The following KCNG3 variants were observed in gnomAD, a reference collection of about 807,000 sequenced individuals.
KCNG3 encodes the protein voltage-gated potassium channel regulatory subunit KCNG3.
Under a neutral mutation model 29.0 loss-of-function variants are expected in KCNG3, and 15 were observed. That is an observed-to-expected ratio of 0.52 (90% CI 0.35 to 0.80). The LOEUF (loss-of-function observed/expected upper bound fraction) is 0.80, where lower values mean the gene tolerates loss of function less well. Among genes scored for constraint, KCNG3 ranks in the 30% least tolerant of loss-of-function variants. KCNG3 has a pLI of 0.01. For missense variants in KCNG3, 512 were observed against 605.7 expected, an observed-to-expected ratio of 0.85 and a Z score of 1.62; for synonymous variants, 322 against 248.9, an observed-to-expected ratio of 1.29 and a Z score of -2.76.
chr2:42,479,310 G>T (rs557229272), intron 1 of KCNG3, among the ~76,000 whole-genome samples: 2 of 152,214 alleles, frequency 1.3e-5, no homozygotes, highest in South Asian at 4.1e-4. Context: ...GTGAATCCTG[G>T]TATTTTCCAA....
chr2:42,450,868 A>G (rs1019862463), intron 1 of KCNG3, among the ~76,000 whole-genome samples: 1 of 152,220 alleles, frequency 6.6e-6, no homozygotes, highest in Non-Finnish European at 1.5e-5. Flanking sequence ...AGCTAAAAGG[A>G]GCATTTGGAA....
chr2:42,418,791 T>C, the KCNG3 span, among the ~76,000 whole-genome samples: 767 of 152,296 alleles, frequency 5.0e-3, 5 homozygotes, highest in African/African-American at 0.017. Context: ...CAGCCAGCCA[T>C]AGAATCACCA....
the KCNG3 span, among the ~76,000 whole-genome samples, chr2:42,406,623 G>A: frequency 5.3e-5 from 8 of 150,290 alleles, no homozygotes; most frequent in South Asian, 2.1e-4. Context: ...TCAGGAGTTC[G>A]AGACCAGCCT....
intron 1 of KCNG3, among the ~76,000 whole-genome samples, chr2:42,450,904 C>T (rs111490032): frequency 0.018 from 2,771 of 152,162 alleles, 90 homozygotes; most frequent in African/African-American, 0.063. Context: ...TGACAATGTC[C>T]ATTGTTAAGA....
the KCNG3 span, among the ~76,000 whole-genome samples, chr2:42,393,741 G>A: frequency 1.3e-5 from 2 of 152,052 alleles, no homozygotes; most frequent in African/African-American, 4.8e-5. Context: ...GAGGAGGAAA[G>A]GCAGATGGGC....
intron 1 of KCNG3, among the ~76,000 whole-genome samples, chr2:42,461,182 C>CAAAAAAAAAA (rs34199989): frequency 3.0e-3 from 168 of 56,338 alleles, no homozygotes; most frequent in East Asian, 7.8e-3. Context: ...CAAAACAAAA[C>CAAAAAAAAAA]AAAAAAAAAA....
chr2:42,392,801 T>A, the KCNG3 span, among the ~76,000 whole-genome samples: 1 of 152,068 alleles, frequency 6.6e-6, no homozygotes, highest in South Asian at 2.1e-4. Flanking sequence ...CTTTGATACT[T>A]TTGAGAGTCC....
chr2:42,469,322 CAGAAGAATCGCTTGAACCCA>C (rs1410777959), intron 1 of KCNG3, among the ~76,000 whole-genome samples: 1 of 149,210 alleles, frequency 6.7e-6, no homozygotes, highest in Non-Finnish European at 1.5e-5. Flanking sequence ...GAGGCCGAGG[CAGAAGAATCGCTTGAACCCA>C]AGAGGCGGAG....
intron 1 of KCNG3, among the ~76,000 whole-genome samples, chr2:42,475,490 G>C (rs560513386): frequency 6.6e-6 from 1 of 151,882 alleles, no homozygotes; most frequent in South Asian, 2.1e-4. Flanking sequence ...CATTACACCT[G>C]GCTAATTCTT....
chr2:42,486,025 A>G (rs566310963), intron 1 of KCNG3, among the ~76,000 whole-genome samples: 17 of 152,340 alleles, frequency 1.1e-4, no homozygotes, highest in Non-Finnish European at 2.1e-4. Context: ...ACTCAGTTGT[A>G]AAGTAAGGAA....
chr2:42,466,878 T>C (rs997002462), intron 1 of KCNG3, among the ~76,000 whole-genome samples: 2 of 150,888 alleles, frequency 1.3e-5, no homozygotes, highest in Non-Finnish European at 3.0e-5. Flanking sequence ...TCAGCCTCCC[T>C]AGTAGCTGGG....
chr2:42,444,856 G>C lies in KCNG3; in HGVS notation c.666-277C>G, dbSNP rs955461678. Among the ~76,000 whole-genome samples, 22 of 150,828 alleles carry C rather than the reference G, an allele frequency of 1.5e-4. No individual in the cohort carries two copies. Among genetic ancestry groups the C allele is most frequent in the African/African-American group, 4.9e-4 (20 of 40,950 alleles). ...GTGGGTGAATCGCTTGAGCCCAGGA[G>C]TTCGAGACCAACCTGGGCACCACAG... On this transcript the variant is annotated intron_variant, in intron 1 of 1. Coordinates refer to ENST00000306078, the MANE Select transcript of KCNG3 (RefSeq NM_133329.6). This position sits in a 1 kb window ranked among gnomAD's most constrained non-coding sequence, Gnocchi z 5.8.
the KCNG3 span, among the ~76,000 whole-genome samples, chr2:42,408,237 G>A: frequency 2.4e-4 from 37 of 152,320 alleles, no homozygotes; most frequent in East Asian, 1.9e-3. Context: ...GCTCCTGGGC[G>A]TAAGAGGGCG....
At chr2:42,484,398 A>G (rs1673668550) in intron 1 of KCNG3, among the ~76,000 whole-genome samples, 1 of 152,164 alleles carries the variant, frequency 6.6e-6, no homozygotes, top group Non-Finnish European at 1.5e-5. Context: ...GGAGGCGGAG[A>G]TTGCAGTGAG....
At chr2:42,460,740 C>T (rs182411981) in intron 1 of KCNG3, among the ~76,000 whole-genome samples, 1 of 152,198 alleles carries the variant, frequency 6.6e-6, no homozygotes, top group Non-Finnish European at 1.5e-5. Flanking sequence ...AACAGGTACA[C>T]GACACTGGGC....
At chr2:42,463,585 G>A (rs890072079) in intron 1 of KCNG3, 5 of 171,076 alleles carry the variant, frequency 2.9e-5, no homozygotes, top group Non-Finnish European at 5.0e-5. Context: ...CAGCACCAGG[G>A]CACCCCAGAT....
the KCNG3 span, among the ~76,000 whole-genome samples, chr2:42,391,775 T>G: frequency 6.6e-6 from 1 of 150,654 alleles, no homozygotes; most frequent in African/African-American, 2.4e-5. Flanking sequence ...GCTAATTTTT[T>G]GTATTTTTAG....
chr2:42,403,294 A>G, the KCNG3 span, among the ~76,000 whole-genome samples: 1 of 151,370 alleles, frequency 6.6e-6, no homozygotes, highest in Admixed American at 6.6e-5. Context: ...GGCACACATC[A>G]CTACACCTGG....
At chr2:42,464,046 G>A (rs913578647) in intron 1 of KCNG3, 7 of 211,088 alleles carry the variant, frequency 3.3e-5, no homozygotes, top group Middle Eastern at 1.8e-3. Context: ...TGGCAGGCTC[G>A]GTGGTGGCTG....
Sources: allele counts gnomAD v4.1 joint callset (sites outside exome capture counted in the v4.1 genomes callset), GRCh38; gene constraint gnomAD v4.1.1; non-coding constraint Gnocchi (gnomAD v3.1); transcripts MANE v1.5; gene names NCBI Gene and HGNC (gene_info 2026-07-23, HGNC 2026-07-21).